TSPAN16: variants seen among roughly 807,000 people sequenced by gnomAD.
TSPAN16 encodes the protein tetraspanin-16.
In TSPAN16, 23 loss-of-function variants were observed where a neutral mutation model predicts 25.2. That is an observed-to-expected ratio of 0.91 (90% CI 0.66 to 1.29). The LOEUF (loss-of-function observed/expected upper bound fraction) is 1.29. Among genes scored for constraint, TSPAN16 ranks in the 50% most tolerant of loss-of-function variants. The pLI, the probability that TSPAN16 is intolerant of heterozygous loss-of-function variation, is 0.00. For missense variants in TSPAN16, 272 were observed against 299.9 expected (o/e 0.91, Z 0.69); for synonymous variants, 123 against 124.4 (o/e 0.99, Z 0.08).
downstream of TSPAN16, among the ~76,000 whole-genome samples, chr19:11,318,315 A>G (rs541973070): frequency 6.6e-6 from 1 of 151,414 alleles, no homozygotes; most frequent in East Asian, 2.0e-4. Context: ...GTGAGCCACC[A>G]CACCCAGCCT....
rs13344148 is a variant in TSPAN16 at position 11,298,363 on chromosome 19, C to T, written c.267+24C>T. 8.8e-3 allele frequency: 14,170 copies of T among 1,605,644 alleles called. 1,128 individuals carry two copies. In the African/African-American group the frequency reaches 0.17, roughly 19 times the overall value. On this transcript the variant is annotated intron_variant, in intron 2 of 6. Transcript: ENST00000590327. Reference sequence around the variant, plus strand: ...TTGTAAGTTGGATCTGCACACAGACCCCAGAACTGCCTCCCCACACACACA... The same window carrying T: ...TTGTAAGTTGGATCTGCACACAGACTCCAGAACTGCCTCCCCACACACACA...
intron 6 of TSPAN16, chr19:11,324,508 A>C (rs1174021789): frequency 1.4e-5 from 2 of 138,178 alleles, no homozygotes; most frequent in Non-Finnish European, 3.0e-5. Context: ...CTAAACAGCT[A>C]AACAGGGCCT....
intron 5 of TSPAN16, among the ~76,000 whole-genome samples, chr19:11,308,473 ATT>A (rs766587009): frequency 6.5e-5 from 8 of 123,220 alleles, no homozygotes; most frequent in Non-Finnish European, 3.5e-5. Flanking sequence ...TAATTTTTGC[ATT>A]TTTTTTTTTT....
downstream of TSPAN16, among the ~76,000 whole-genome samples, chr19:11,317,779 T>C (rs1329895209): frequency 5.3e-5 from 8 of 150,136 alleles, no homozygotes; most frequent in Non-Finnish European, 1.2e-4. Context: ...GCTGAGATCA[T>C]GTCATTGCAC....
chr19:11,321,780 G>A (rs997047095), intron 6 of TSPAN16, among the ~76,000 whole-genome samples: 11 of 152,210 alleles, frequency 7.2e-5, no homozygotes, highest in African/African-American at 2.7e-4. Flanking sequence ...CTAAGCAGAG[G>A]AGGAATGCGC....
At chr19:11,321,375 C>G (rs2080778593) in intron 6 of TSPAN16, 1 of 152,182 alleles carries the variant, frequency 6.6e-6, no homozygotes, top group African/African-American at 2.4e-5. Context: ...CTCGTGAGAA[C>G]TCACTTGCTA....
intron 5 of TSPAN16, among the ~76,000 whole-genome samples, chr19:11,309,364 C>G (rs1257870042): frequency 6.6e-6 from 1 of 152,188 alleles, no homozygotes; most frequent in Non-Finnish European, 1.5e-5. Context: ...CAGACACTGG[C>G]CCACTGGGCC....
intron 6 of TSPAN16, among the ~76,000 whole-genome samples, chr19:11,314,831 C>T (rs1048215344): frequency 1.1e-4 from 17 of 152,252 alleles, no homozygotes; most frequent in African/African-American, 2.6e-4. Flanking sequence ...CCATTCTCTC[C>T]TCCCGCTCAC....
chr19:11,307,585 A>AT (rs931031016), intron 5 of TSPAN16, among the ~76,000 whole-genome samples: 12 of 149,736 alleles, frequency 8.0e-5, no homozygotes, highest in Admixed American at 2.0e-4. Context: ...TGCCTGGCTA[A>AT]TTTTTTTTTA....
intron 3 of TSPAN16, chr19:11,300,996 C>T (rs1273463328): frequency 9.2e-6 from 5 of 540,778 alleles, no homozygotes; most frequent in African/African-American, 1.9e-5. Flanking sequence ...CAGACCCACG[C>T]GTCTCCCTGT....
At chr19:11,311,122 C>T (rs1262933654) in intron 5 of TSPAN16, among the ~76,000 whole-genome samples, 1 of 121,022 alleles carries the variant, frequency 8.3e-6, no homozygotes, top group South Asian at 2.7e-4. Context: ...CGGGCATGAG[C>T]CATCGTGCCC....
At position 11,306,702 on chromosome 19, in the gene TSPAN16, C is replaced by A. The variant is rs376389746; in HGVS notation, c.549C>A (p.Ile183=). 1 of 1,614,070 alleles carries A rather than the reference C, an allele frequency of 6.2e-7. No homozygotes were observed. Among genetic ancestry groups the A allele is most frequent in the East Asian group, 2.2e-5 (1 of 44,888 alleles). Residue 183 remains isoleucine (I), a synonymous_variant, in exon 5 of 7, where the codon ATC becomes ATA. Coordinates refer to ENST00000590327, the MANE Select transcript of TSPAN16 (RefSeq NM_001282509.2). The stretch of plus-strand genomic sequence containing the variant: ...ACCCCAGGAGTTGCTGTAAATCCAT[C>A]GGAAGTGTGTCCTGTGACGGACGCG... ...HTYPRSCCKS[I]GSVSCDGRDV...
At chr19:11,316,841 G>A (rs112206186), downstream of TSPAN16, among the ~76,000 whole-genome samples, 19 of 132,318 alleles carry the variant, frequency 1.4e-4, no homozygotes, top group African/African-American at 4.9e-4. Flanking sequence ...ATGGAGTCTT[G>A]TTCTGTCACC....
At chr19:11,310,349 T>C (rs148398575) in intron 5 of TSPAN16, among the ~76,000 whole-genome samples, 3 of 151,654 alleles carry the variant, frequency 2.0e-5, no homozygotes, top group Non-Finnish European at 2.9e-5. Context: ...CCCCCATCTC[T>C]ACTAAAAATA....
At chr19:11,316,970 C>G (rs1310176820), downstream of TSPAN16, among the ~76,000 whole-genome samples, 3 of 149,936 alleles carry the variant, frequency 2.0e-5, no homozygotes, top group Non-Finnish European at 4.5e-5. Flanking sequence ...GCCACCACGC[C>G]TGGCTAATTT....
chr19:11,316,119 T>TG (rs1491440242), downstream of TSPAN16: 7,010 of 127,956 alleles, frequency 0.055, 361 homozygotes, highest in East Asian at 0.21. Flanking sequence ...GTGTGTGTGG[T>TG]TTTTTTTTTT....
chr19:11,299,296 T>C (rs1339353245), intron 3 of TSPAN16, among the ~76,000 whole-genome samples: 6 of 149,552 alleles, frequency 4.0e-5, no homozygotes. Flanking sequence ...AAAAAAGATA[T>C]AGAACCAATA....
At chr19:11,316,065 C>A (rs2080745875), downstream of TSPAN16, 3 of 630,288 alleles carry the variant, frequency 4.8e-6, no homozygotes, top group Non-Finnish European at 4.3e-6. Context: ...ATACAACTTT[C>A]CTGTTTTGTA....
chr19:11,324,160 C>T (rs1018402409), intron 6 of TSPAN16: 4 of 152,156 alleles, frequency 2.6e-5, no homozygotes, highest in African/African-American at 9.7e-5. Flanking sequence ...GCCCAACCCC[C>T]AGCATCCCTT....
Sources: allele counts gnomAD v4.1 joint callset (sites outside exome capture counted in the v4.1 genomes callset), GRCh38; gene constraint gnomAD v4.1.1; transcripts MANE v1.5; gene names NCBI Gene and HGNC (gene_info 2026-07-23, HGNC 2026-07-21).